Variants in RALGPS2 observed in about 807,000 individuals in gnomAD.
RALGPS2 encodes the protein Ral GEF with PH domain and SH3 binding motif 2, also known as ras-specific guanine nucleotide-releasing factor RalGPS2.
In RALGPS2, 43 loss-of-function variants were observed where a neutral mutation model predicts 86.8. The observed-to-expected ratio is 0.50, with a 90% CI of 0.39 to 0.64. The LOEUF is 0.64. Among genes scored for constraint, RALGPS2 ranks in the 30% least tolerant of loss-of-function variants. The probability of loss-of-function intolerance (pLI) is 0.00; values close to 1 mark genes in which losing one functional copy is unlikely to be tolerated. For missense variants in RALGPS2, 536 were observed against 694.6 expected, an observed-to-expected ratio of 0.77 and a Z score of 2.57; for synonymous variants, 243 against 231.3, an observed-to-expected ratio of 1.05 and a Z score of -0.46.
At chr1:178,899,616 TGTTTTG>T (rs556440438) in intron 17 of RALGPS2, among the ~76,000 whole-genome samples, 113 of 150,650 alleles carry the variant, frequency 7.5e-4, no homozygotes, top group South Asian at 6.7e-3. Context: ...TGTATTGTTG[TGTTTTG>T]GTTTTGGTTT....
At chr1:178,802,759 C>CTG (rs1350812109) in intron 4 of RALGPS2, among the ~76,000 whole-genome samples, 1 of 152,118 alleles carries the variant, frequency 6.6e-6, no homozygotes, top group Admixed American at 6.6e-5. Flanking sequence ...CATGTAAGGT[C>CTG]TGTTGGTGTG....
intron 8 of RALGPS2, among the ~76,000 whole-genome samples, chr1:178,854,953 A>G (rs1179625880): frequency 6.6e-6 from 1 of 152,144 alleles, no homozygotes; most frequent in Non-Finnish European, 1.5e-5. Flanking sequence ...TTTTATAAAC[A>G]TGCAAAATAT....
chr1:178,766,987 C>G (rs1652536963), intron 1 of RALGPS2, among the ~76,000 whole-genome samples: 1 of 152,098 alleles, frequency 6.6e-6, no homozygotes, highest in Non-Finnish European at 1.5e-5. Flanking sequence ...CTTTTCTCAT[C>G]TTGGTTGATT....
chr1:178,730,649 G>A (rs1313027365), intron 1 of RALGPS2, among the ~76,000 whole-genome samples: 1 of 147,416 alleles, frequency 6.8e-6, no homozygotes, highest in African/African-American at 2.5e-5. Context: ...CTTATGCTGT[G>A]TAGCTATAAT....
At chr1:178,792,820 C>T (rs1654019716) in intron 4 of RALGPS2, among the ~76,000 whole-genome samples, 1 of 152,168 alleles carries the variant, frequency 6.6e-6, no homozygotes, top group African/African-American at 2.4e-5. Context: ...ATGGTTGTAA[C>T]TGTAAACTGT....
intron 1 of RALGPS2, among the ~76,000 whole-genome samples, chr1:178,762,416 C>G (rs1272127267): frequency 6.6e-6 from 1 of 152,120 alleles, no homozygotes; most frequent in Admixed American, 6.5e-5. Flanking sequence ...TTTGGGATCT[C>G]TGAGAAATTG....
At chr1:178,853,127 TTTTG>T (rs576687398) in intron 8 of RALGPS2, 116 of 985,348 alleles carry the variant, frequency 1.2e-4, no homozygotes, top group Admixed American at 6.8e-4. Context: ...GTCATTCTCT[TTTTG>T]TTTGTTTGTT....
chr1:178,901,901 G>C (rs903811324), intron 17 of RALGPS2, among the ~76,000 whole-genome samples: 5 of 151,982 alleles, frequency 3.3e-5, no homozygotes, highest in African/African-American at 1.2e-4. Flanking sequence ...AAGCTGGGAA[G>C]GTCTGGAAAG....
At position 178,789,123 on chromosome 1, in the gene RALGPS2, T is replaced by C. The variant is rs1383538181; in HGVS notation, c.213+3516T>C. 3.3e-5 allele frequency among the ~76,000 whole-genome samples: 5 copies of C among 152,140 alleles called. No homozygotes were observed. The South Asian group carries it at 8.3e-4, about 25-fold the overall frequency. The stretch of plus-strand genomic sequence containing the variant: ...GGTTTCACTATGTTGGCCAGGCTTG[T>C]CTCAAACTCCTGGCCTCAAGTGATC... On this transcript the variant is annotated intron_variant, in intron 4 of 19. Transcript: ENST00000367635.
intron 19 of RALGPS2, among the ~76,000 whole-genome samples, chr1:178,913,254 C>T (rs945432625): frequency 4.0e-5 from 6 of 151,668 alleles, no homozygotes; most frequent in African/African-American, 1.5e-4. Flanking sequence ...CGCACTCCAG[C>T]CTGGGCAACA....
At chr1:178,849,379 C>A (rs565792239) in intron 8 of RALGPS2, among the ~76,000 whole-genome samples, 5 of 152,198 alleles carry the variant, frequency 3.3e-5, no homozygotes, top group South Asian at 2.1e-4. Context: ...CAGAATGGGC[C>A]CATTGGCTAA....
intron 8 of RALGPS2, among the ~76,000 whole-genome samples, chr1:178,862,330 T>A (rs1034686227): frequency 6.6e-6 from 1 of 152,150 alleles, no homozygotes; most frequent in African/African-American, 2.4e-5. Context: ...AGAAGCTCTA[T>A]AAAAATGTCA....
chr1:178,902,416 A>G (rs1363900613), intron 18 of RALGPS2, among the ~76,000 whole-genome samples: 1 of 152,100 alleles, frequency 6.6e-6, no homozygotes, highest in Non-Finnish European at 1.5e-5. Flanking sequence ...CTTCTGTCCC[A>G]TTATGTATTT....
chr1:178,870,638 A>G (rs1256038389), intron 8 of RALGPS2: 16 of 152,200 alleles, frequency 1.1e-4, no homozygotes, highest in Admixed American at 1.0e-3. Context: ...GTATATTCCA[A>G]AGGTCTTTGT....
At chr1:178,805,461 T>A (rs1654696213) in intron 4 of RALGPS2, among the ~76,000 whole-genome samples, 1 of 151,440 alleles carries the variant, frequency 6.6e-6, no homozygotes, top group Admixed American at 6.6e-5. Context: ...TTGTATAAGG[T>A]GTAAGGAAGG....
chr1:178,862,593 T>TTTTATTTATTTATTTA (rs57690079), intron 8 of RALGPS2, among the ~76,000 whole-genome samples: 4 of 140,756 alleles, frequency 2.8e-5, no homozygotes, highest in African/African-American at 5.4e-5. Context: ...GTTGCATTTT[T>TTTTATTTATTTATTTA]TTTATTTATT....
intron 8 of RALGPS2, among the ~76,000 whole-genome samples, chr1:178,841,071 A>G (rs1211671195): frequency 6.6e-6 from 1 of 152,246 alleles, no homozygotes; most frequent in Non-Finnish European, 1.5e-5. Flanking sequence ...TACCAGAGGT[A>G]CAAGGAGTTG....
chr1:178,732,987 A>G (rs1650483071), intron 1 of RALGPS2, among the ~76,000 whole-genome samples: 1 of 152,154 alleles, frequency 6.6e-6, no homozygotes, highest in African/African-American at 2.4e-5. Context: ...TTACATGGGT[A>G]TATTTTGAAT....
intron 8 of RALGPS2, among the ~76,000 whole-genome samples, chr1:178,844,224 G>T (rs1347800231): frequency 1.3e-5 from 2 of 152,178 alleles, no homozygotes; most frequent in African/African-American, 4.8e-5. Flanking sequence ...GGTTATTATG[G>T]AAAGAATATA....
Sources: allele counts gnomAD v4.1 joint callset (sites outside exome capture counted in the v4.1 genomes callset), GRCh38; gene constraint gnomAD v4.1.1; transcripts MANE v1.5; gene names NCBI Gene and HGNC (gene_info 2026-07-23, HGNC 2026-07-21).